Variants in UBE2K observed in about 807,000 individuals in gnomAD.
UBE2K encodes the protein ubiquitin-conjugating enzyme E2 K.
UBE2K carries 6 observed loss-of-function variants against 30.0 expected under a neutral mutation model. The ratio of observed to expected loss-of-function variants is 0.20; its 90% CI spans 0.11 to 0.39. The LOEUF (loss-of-function observed/expected upper bound fraction) is 0.39, where lower values mean the gene tolerates loss of function less well. UBE2K is among the 10% of genes least tolerant of loss of function. The pLI is 1.00. For synonymous variants in UBE2K, 86 were observed against 83.7 expected, an observed-to-expected ratio of 1.03 and a Z score of -0.15; for missense variants, 61 against 241.6, an observed-to-expected ratio of 0.25 and a Z score of 4.96.
chr4:39,729,536 C>G (rs1030851811), intron 1 of UBE2K, among the ~76,000 whole-genome samples: 1 of 152,146 alleles, frequency 6.6e-6, no homozygotes. Flanking sequence ...TACTTCCTGT[C>G]TGCCTTAATT....
Position 39,778,392 on chromosome 4 carries a change from A to G in UBE2K, c.561A>G (p.Ser187=). 6.2e-7 allele frequency: 1 copy of G among 1,613,238 alleles called. No individual in the cohort carries two copies. The highest frequency in any genetic ancestry group is 8.5e-7 in the Non-Finnish European group (1 of 1,179,552). Residue 187 remains serine, a synonymous_variant, in exon 7 of 7, where the codon TCA becomes TCG. Coordinates refer to ENST00000261427, the MANE Select transcript of UBE2K (RefSeq NM_005339.5). ...NAVIVALSSK[S]WDVETATELL... is the part of the protein sequence containing the mutation. ...TAATAGTGGCCTTGTCTTCAAAATC[A>G]TGGGATGTAGAGACTGCAACAGAAT... is the stretch of plus-strand genomic sequence containing the variant.
At chr4:39,726,070 G>A (rs1260041309) in intron 1 of UBE2K, among the ~76,000 whole-genome samples, 2 of 152,130 alleles carry the variant, frequency 1.3e-5, no homozygotes, top group South Asian at 4.1e-4. Context: ...AACCTCTGGG[G>A]AATCCTTCCT....
intron 2 of UBE2K, among the ~76,000 whole-genome samples, chr4:39,743,932 G>C (rs1224961936): frequency 2.0e-5 from 3 of 152,088 alleles, no homozygotes; most frequent in Non-Finnish European, 2.9e-5. Context: ...GTGCGAACTT[G>C]GCTCATTGCA....
intron 2 of UBE2K, among the ~76,000 whole-genome samples, chr4:39,742,877 C>T (rs1720778912): frequency 2.0e-5 from 3 of 152,140 alleles, no homozygotes; most frequent in African/African-American, 7.2e-5. Flanking sequence ...GAAACCTCAT[C>T]TCTACTAAAA....
chr4:39,732,993 A>G (rs2109343443), intron 1 of UBE2K, among the ~76,000 whole-genome samples: 1 of 135,948 alleles, frequency 7.4e-6, no homozygotes, highest in South Asian at 2.6e-4. Context: ...TATAGCTTTT[A>G]TATATCTCTG....
intron 1 of UBE2K, among the ~76,000 whole-genome samples, chr4:39,709,136 T>G (rs147541465): frequency 2.4e-4 from 36 of 152,104 alleles, no homozygotes; most frequent in African/African-American, 6.7e-4. Flanking sequence ...GTGGGAAGAT[T>G]AGGAGAGTCC....
chr4:39,721,035 C>G (rs180822212), intron 1 of UBE2K, among the ~76,000 whole-genome samples: 1 of 152,204 alleles, frequency 6.6e-6, no homozygotes, highest in African/African-American at 2.4e-5. Flanking sequence ...GCCTGAGCCC[C>G]TGCCTGGCCA....
chr4:39,716,302 G>A (rs769385552), intron 1 of UBE2K, among the ~76,000 whole-genome samples: 2 of 151,956 alleles, frequency 1.3e-5, no homozygotes, highest in African/African-American at 2.4e-5. Flanking sequence ...CTGGGGTGCC[G>A]TGTTGTGATC....
At chr4:39,703,578 G>T (rs559684745) in intron 1 of UBE2K, among the ~76,000 whole-genome samples, 10 of 152,158 alleles carry the variant, frequency 6.6e-5, no homozygotes, top group African/African-American at 2.4e-4. Context: ...GCCAGGCGTG[G>T]TGGCTCACGC....
At chr4:39,739,088 C>T (rs372080757) in intron 2 of UBE2K, among the ~76,000 whole-genome samples, 2 of 150,912 alleles carry the variant, frequency 1.3e-5, no homozygotes, top group Admixed American at 1.3e-4. Flanking sequence ...AGTGCAGTGG[C>T]GCGATCTCGG....
rs1713488937 is a variant in UBE2K at position 39,779,536 on chromosome 4, G to A, written c.*1102G>A. On this transcript the variant is annotated 3_prime_UTR_variant, in exon 7 of 7. Coordinates refer to ENST00000261427, the MANE Select transcript of UBE2K (RefSeq NM_005339.5). ...CAGATGCACATAGGAATAGAAGTGT[G>A]TTATAAATCTAGCTTTCTTTATGAT... is the stretch of plus-strand genomic sequence containing the variant. 6.6e-6 allele frequency: 1 copy of A among 152,608 alleles called. No homozygotes were observed. Among genetic ancestry groups the A allele is most frequent in the Non-Finnish European group, 1.5e-5 (1 of 68,038 alleles). The allele number at this position is 152,608 out of a possible 1,614,324, so 9.5% of individuals were successfully genotyped here.
chr4:39,736,218 T>C, intron 1 of UBE2K, among the ~76,000 whole-genome samples: 1 of 152,140 alleles, frequency 6.6e-6, no homozygotes, highest in East Asian at 1.9e-4. Context: ...ATCCCAGCAC[T>C]TTGGGAGGCC....
chr4:39,741,148 A>G (rs959366155), intron 2 of UBE2K, among the ~76,000 whole-genome samples: 1 of 151,206 alleles, frequency 6.6e-6, no homozygotes, highest in Non-Finnish European at 1.5e-5. Flanking sequence ...GCGTGCGCCT[A>G]TAATCCCAGC....
chr4:39,712,322 C>T (rs1718746300), intron 1 of UBE2K, among the ~76,000 whole-genome samples: 1 of 148,382 alleles, frequency 6.7e-6, no homozygotes, highest in East Asian at 2.0e-4. Context: ...CTGCCTCAGC[C>T]TCCCAAGTAG....
intron 1 of UBE2K, among the ~76,000 whole-genome samples, chr4:39,733,860 C>T (rs1350644864): frequency 5.9e-5 from 9 of 152,152 alleles, no homozygotes; most frequent in Admixed American, 5.9e-4. Context: ...TGTCATCTTT[C>T]ACCATTCTCC....
intron 1 of UBE2K, chr4:39,714,574 G>T (rs1718932313): frequency 6.5e-5 from 2 of 30,604 alleles, no homozygotes; most frequent in Admixed American, 5.9e-4. Flanking sequence ...TTAAGACTGA[G>T]TCTCTCTCTG....
intron 1 of UBE2K, among the ~76,000 whole-genome samples, chr4:39,721,836 C>T (rs563844524): frequency 3.1e-4 from 47 of 152,166 alleles, no homozygotes; most frequent in African/African-American, 1.1e-3. Context: ...CTCTGGTAAT[C>T]CTTGCACTTT....
chr4:39,712,348 C>T (rs1043306580), intron 1 of UBE2K, among the ~76,000 whole-genome samples: 62 of 144,818 alleles, frequency 4.3e-4, no homozygotes, highest in Non-Finnish European at 8.7e-4. Flanking sequence ...ACCACAGGCA[C>T]CCGCCACTGC....
chr4:39,708,254 C>G (rs1291481944), intron 1 of UBE2K, among the ~76,000 whole-genome samples: 12 of 151,950 alleles, frequency 7.9e-5, no homozygotes, highest in Admixed American at 7.2e-4. Context: ...AACTATGGAA[C>G]AAAGAGATTA....
Sources: gnomAD v4.1 joint callset for allele counts (sites outside exome capture counted in the v4.1 genomes callset) on GRCh38, gnomAD v4.1.1 for gene constraint, MANE v1.5 for transcripts, NCBI Gene and HGNC (gene_info 2026-07-23, HGNC 2026-07-21) for gene names.